TRAM1: variants seen among roughly 807,000 people sequenced by gnomAD.
TRAM1 encodes translocation associated membrane protein 1.
A neutral mutation model predicts 48.7 loss-of-function variants in TRAM1; 17 were observed. The ratio of observed to expected loss-of-function variants is 0.35; its 90% confidence interval spans 0.24 to 0.52. The LOEUF is 0.52. Ranked by LOEUF, TRAM1 falls within the 20% of genes least tolerant of loss-of-function variation. The pLI, the probability that TRAM1 is intolerant of heterozygous loss-of-function variation, is 0.94. For missense variants in TRAM1, 351 were observed against 441.5 expected, an observed-to-expected ratio of 0.79 and a Z score of 1.84; for synonymous variants, 182 against 154.0, an observed-to-expected ratio of 1.18 and a Z score of -1.34.
chr8:70,607,645 C>T (rs1326904373), intron 1 of TRAM1: 1 of 266,700 alleles, frequency 3.7e-6, no homozygotes, highest in Non-Finnish European at 5.8e-6. Context: ...GGCTGACGCT[C>T]ACCGCGGCCG....
intron 6 of TRAM1, among the ~76,000 whole-genome samples, chr8:70,588,690 T>C (rs1259276608): frequency 6.6e-6 from 1 of 152,240 alleles, no homozygotes; most frequent in East Asian, 1.9e-4. Flanking sequence ...CAATGAATTA[T>C]GATGTAAAAA....
At position 70,590,958 on chromosome 8, in the gene TRAM1, C is replaced by T. The variant is rs1432650582; in HGVS notation, c.570+3548G>A. Among the ~76,000 whole-genome samples the T allele has an allele frequency of 5.3e-5, 8 of 150,478 alleles. No homozygotes were observed. The East Asian group carries it at 1.6e-3, about 29-fold the overall frequency. On this transcript the variant is annotated intron_variant, in intron 6 of 10. Coordinates refer to ENST00000262213, the MANE Select transcript of TRAM1 (RefSeq NM_014294.6). ...CACTTACTAGCTGAGGGACCTTAGG[C>T]AAGCTAATTAATCTCTCTGTATAAT...
At chr8:70,588,362 G>A (rs1185875027) in intron 6 of TRAM1, among the ~76,000 whole-genome samples, 5 of 152,260 alleles carry the variant, frequency 3.3e-5, no homozygotes, top group South Asian at 2.1e-4. Flanking sequence ...GAGACAGGAG[G>A]ATTGCTTGAA....
At chr8:70,583,369 G>A (rs572268604) in intron 9 of TRAM1, 45 bp from the exon 10 acceptor site, 2 of 1,567,802 alleles carry the variant, frequency 1.3e-6, no homozygotes, top group Admixed American at 1.8e-5. Context: ...AAAAAACAAT[G>A]CCACTGAATA....
intron 6 of TRAM1, among the ~76,000 whole-genome samples, chr8:70,593,771 G>A (rs561384255): frequency 6.6e-6 from 1 of 152,176 alleles, no homozygotes; most frequent in South Asian, 2.1e-4. Flanking sequence ...GAGAAAAGAT[G>A]GTGGCGATGG....
chr8:70,597,668 CAAAAAA>C (rs35449323), intron 4 of TRAM1, among the ~76,000 whole-genome samples: 1 of 36,008 alleles, frequency 2.8e-5, no homozygotes, highest in Non-Finnish European at 4.7e-5. Flanking sequence ...GACTCTGTCT[CAAAAAA>C]AAAAAAAAAA....
intron 4 of TRAM1, among the ~76,000 whole-genome samples, chr8:70,596,859 A>G (rs576128188): frequency 5.9e-4 from 90 of 151,870 alleles, no homozygotes; most frequent in Middle Eastern, 3.4e-3. Flanking sequence ...AATAAAATCT[A>G]AAGTGATTTT....
intron 6 of TRAM1, among the ~76,000 whole-genome samples, chr8:70,588,389 T>C (rs952078549): frequency 3.3e-5 from 5 of 152,136 alleles, no homozygotes; most frequent in African/African-American, 1.2e-4. Flanking sequence ...CGTTTGAGTC[T>C]AGCCTGGGCA....
At chr8:70,602,527 A>C (rs1817626320) in intron 1 of TRAM1, among the ~76,000 whole-genome samples, 1 of 152,228 alleles carries the variant, frequency 6.6e-6, no homozygotes, top group Non-Finnish European at 1.5e-5. Context: ...GATGGGACAC[A>C]TAACTTCAAA....
Position 70,581,583 on chromosome 8 carries a change from C to T in TRAM1, c.1051+1581G>A, listed in dbSNP as rs576424808. Among the ~76,000 whole-genome samples the T allele has an allele frequency of 5.3e-5, 8 of 152,084 alleles. 1 individual carries two copies. The highest frequency in any genetic ancestry group is 1.0e-4 in the Non-Finnish European group (7 of 68,004). ...CCCTCAAAATGTTAAACATAGTTAC[C>T]GCATGACTCGGAAATCCCACTCCTA... On this transcript the variant is annotated intron_variant, in intron 10 of 10. Coordinates refer to ENST00000262213, the MANE Select transcript of TRAM1 (RefSeq NM_014294.6).
At chr8:70,607,581 G>GCC in intron 1 of TRAM1, 1 of 756,310 alleles carries the variant, frequency 1.3e-6, no homozygotes, top group Non-Finnish European at 1.6e-6. Flanking sequence ...TGGTCTCCAG[G>GCC]CCGGCACTCC....
At chr8:70,593,979 C>G (rs1403976836) in intron 6 of TRAM1, among the ~76,000 whole-genome samples, 2 of 152,094 alleles carry the variant, frequency 1.3e-5, no homozygotes, top group Non-Finnish European at 2.9e-5. Context: ...TCAAATAAAA[C>G]AAACAAATAT....
chr8:70,602,528 T>G (rs781444359), intron 1 of TRAM1, among the ~76,000 whole-genome samples: 13 of 152,176 alleles, frequency 8.5e-5, no homozygotes, highest in Non-Finnish European at 1.9e-4. Context: ...ATGGGACACA[T>G]AACTTCAAAA....
At position 70,583,810 on chromosome 8, in the gene TRAM1, G is replaced by T. The variant is rs114937933; in HGVS notation, c.747-17C>A. 1 of 1,518,320 alleles carries T rather than the reference G, an allele frequency of 6.6e-7. No homozygotes were observed. 94.1% of individuals were successfully genotyped at this position (1,518,320 alleles called of 1,614,324 possible). On this transcript the variant is annotated splice_polypyrimidine_tract_variant and intron_variant, in intron 8 of 10. Transcript: ENST00000262213. ...AGAGAAAATCTGCAAGAAAAAGGCC[G>T]TAAGTCAAATTCCTGAAATCTCAAA...
chr8:70,607,228 A>G, intron 1 of TRAM1: 1 of 985,344 alleles, frequency 1.0e-6, no homozygotes, highest in Non-Finnish European at 1.2e-6. Context: ...CAGCTGTTAA[A>G]TAAGTCATCA....
intron 1 of TRAM1, among the ~76,000 whole-genome samples, chr8:70,603,688 G>A (rs1213168743): frequency 6.6e-6 from 1 of 152,180 alleles, no homozygotes; most frequent in African/African-American, 2.4e-5. Context: ...TTGCACTCTA[G>A]CCTGGGTGAC....
At chr8:70,581,715 C>T (rs1817077825) in intron 10 of TRAM1, among the ~76,000 whole-genome samples, 1 of 152,192 alleles carries the variant, frequency 6.6e-6, no homozygotes, top group East Asian at 1.9e-4. Context: ...CACTCAATAT[C>T]CATCAAATGA....
At chr8:70,594,305 GTTT>G (rs71560423) in intron 6 of TRAM1, among the ~76,000 whole-genome samples, 198 bp downstream of exon 6, 2 of 126,080 alleles carry the variant, frequency 1.6e-5, no homozygotes, top group Non-Finnish European at 3.2e-5. Context: ...CTGACTGAAG[GTTT>G]TTTTTTTTTT....
chr8:70,598,320 A>G lies in TRAM1; in HGVS notation c.188-65T>C, dbSNP rs1011653115. 4 of 1,459,740 alleles carry G rather than the reference A, an allele frequency of 2.7e-6. No homozygotes were observed. The African/African-American group carries it at 5.8e-5, about 21-fold the overall frequency. The allele number at this position is 1,459,740 out of a possible 1,614,324, so 90.4% of individuals were successfully genotyped here. ...CAAGGTTATAAAAACAGCATTAAGT[A>G]CAACATAGTTATGGAAACAAAGAAG... On this transcript the variant is annotated intron_variant, in intron 2 of 10. Transcript: ENST00000262213.
Sources: allele counts gnomAD v4.1 joint callset (sites outside exome capture counted in the v4.1 genomes callset), GRCh38; gene constraint gnomAD v4.1.1; transcripts MANE v1.5; gene names NCBI Gene and HGNC (gene_info 2026-07-23, HGNC 2026-07-21).